Variants in RYK observed in about 807,000 individuals in gnomAD.
RYK encodes receptor like tyrosine kinase.
A neutral mutation model predicts 70.2 loss-of-function variants in RYK; 21 were observed. The observed-to-expected ratio is 0.30, with a 90% confidence interval of 0.21 to 0.43. RYK has a LOEUF of 0.43. Ranked by LOEUF, RYK falls within the 20% of genes least tolerant of loss-of-function variation. The probability of loss-of-function intolerance (pLI) is 1.00; values close to 1 mark genes in which losing one functional copy is unlikely to be tolerated. For synonymous variants in RYK, 267 were observed against 278.0 expected, an observed-to-expected ratio of 0.96 and a Z score of 0.39; for missense variants, 604 against 753.3, an observed-to-expected ratio of 0.80 and a Z score of 2.32.
At chr3:134,201,232 G>A (rs767282354) in intron 6 of RYK, among the ~76,000 whole-genome samples, 2 of 152,096 alleles carry the variant, frequency 1.3e-5, no homozygotes, top group East Asian at 1.9e-4. Flanking sequence ...AATCATATAC[G>A]TACTTCCTTC....
chr3:134,217,160 G>A (rs1178058485), intron 2 of RYK, among the ~76,000 whole-genome samples: 1 of 152,232 alleles, frequency 6.6e-6, no homozygotes. Flanking sequence ...TAATGTTAAA[G>A]TATCTACGAT....
intron 13 of RYK, among the ~76,000 whole-genome samples, chr3:134,169,287 T>C (rs562039653): frequency 1.3e-5 from 2 of 152,322 alleles, no homozygotes; most frequent in South Asian, 4.1e-4. Flanking sequence ...TTACATTTAG[T>C]AATCTCCTAA....
intron 1 of RYK, among the ~76,000 whole-genome samples, chr3:134,234,557 G>A (rs906914388): frequency 1.3e-5 from 2 of 152,112 alleles, no homozygotes; most frequent in Non-Finnish European, 2.9e-5. Flanking sequence ...CCCTGAAGAT[G>A]ACAGGGAATG....
chr3:134,248,204 A>G (rs2015516970), intron 1 of RYK, among the ~76,000 whole-genome samples: 1 of 152,190 alleles, frequency 6.6e-6, no homozygotes, highest in South Asian at 2.1e-4. Flanking sequence ...TATTTGCACT[A>G]GAGAAAATAC....
intron 6 of RYK, among the ~76,000 whole-genome samples, chr3:134,201,794 A>T (rs1674515907): frequency 6.6e-6 from 1 of 152,232 alleles, no homozygotes; most frequent in Non-Finnish European, 1.5e-5. Context: ...AAGAGTATGG[A>T]TGATACGTCT....
At chr3:134,249,620 A>C (rs1341533821) in intron 1 of RYK, among the ~76,000 whole-genome samples, 1 of 152,148 alleles carries the variant, frequency 6.6e-6, no homozygotes, top group East Asian at 1.9e-4. Context: ...TTAATTCCCC[A>C]AACAACAAAG....
At chr3:134,210,918 G>C (rs1396340720) in intron 3 of RYK, among the ~76,000 whole-genome samples, 2 of 152,110 alleles carry the variant, frequency 1.3e-5, no homozygotes, top group African/African-American at 4.8e-5. Context: ...AGAATGAGTA[G>C]GATGAATAGA....
At chr3:134,182,116 C>T (rs1237503505) in intron 10 of RYK, among the ~76,000 whole-genome samples, 1 of 151,086 alleles carries the variant, frequency 6.6e-6, no homozygotes, top group East Asian at 1.9e-4. Context: ...GATCACACCA[C>T]TGCACTCTAG....
At chr3:134,229,390 A>AC in intron 1 of RYK, among the ~76,000 whole-genome samples, 1 of 151,950 alleles carries the variant, frequency 6.6e-6, no homozygotes, top group South Asian at 2.1e-4. Context: ...GAAAAAAAAA[A>AC]AAAAAAAACG....
At chr3:134,209,297 G>C (rs1229227437) in intron 4 of RYK, among the ~76,000 whole-genome samples, 1 of 152,166 alleles carries the variant, frequency 6.6e-6, no homozygotes, top group Non-Finnish European at 1.5e-5. Context: ...GAAAAGAGCA[G>C]AGCTGCCATT....
chr3:134,204,593 A>ACAGC (rs1440128940), intron 5 of RYK, among the ~76,000 whole-genome samples: 12 of 106,832 alleles, frequency 1.1e-4, no homozygotes, highest in East Asian at 4.1e-4. Context: ...AGCCACAGCC[A>ACAGC]CACACACACA....
chr3:134,169,122 G>A (rs958368392), intron 13 of RYK, among the ~76,000 whole-genome samples: 1 of 152,142 alleles, frequency 6.6e-6, no homozygotes, highest in Non-Finnish European at 1.5e-5. Flanking sequence ...ACTTTTAAAA[G>A]GATCTCTTCA....
intron 9 of RYK, among the ~76,000 whole-genome samples, chr3:134,186,336 A>C (rs1443035762): frequency 6.6e-6 from 1 of 152,250 alleles, no homozygotes; most frequent in East Asian, 1.9e-4. Flanking sequence ...CTTATGCCTA[A>C]AGGCAAAGGT....
intron 1 of RYK, among the ~76,000 whole-genome samples, chr3:134,237,282 C>G (rs1360324358): frequency 6.6e-6 from 1 of 152,118 alleles, no homozygotes; most frequent in Non-Finnish European, 1.5e-5. Context: ...CGTGCTAAAT[C>G]AGCAAACCAT....
At chr3:134,179,022 C>A (rs137868892) in intron 10 of RYK, 3 of 152,188 alleles carry the variant, frequency 2.0e-5, no homozygotes, top group East Asian at 3.9e-4. Flanking sequence ...CTTAACTTGG[C>A]AAATCCTGCT....
At chr3:134,173,510 G>C (rs1230470172) in intron 13 of RYK, among the ~76,000 whole-genome samples, 1 of 152,120 alleles carries the variant, frequency 6.6e-6, no homozygotes. Context: ...CATGACGAAG[G>C]AAAAGAAGAA....
At chr3:134,198,901 T>A (rs1576516814) in intron 6 of RYK, among the ~76,000 whole-genome samples, 1 of 152,064 alleles carries the variant, frequency 6.6e-6, no homozygotes, top group Middle Eastern at 3.4e-3. Context: ...ATGGGGGCGG[T>A]GGTGGGGATA....
intron 2 of RYK, among the ~76,000 whole-genome samples, chr3:134,221,342 A>T (rs1221687674): frequency 6.6e-6 from 1 of 150,970 alleles, no homozygotes; most frequent in Non-Finnish European, 1.5e-5. Context: ...GTAGCTGGGA[A>T]TACAGGTGTG....
intron 1 of RYK, among the ~76,000 whole-genome samples, chr3:134,223,157 C>G (rs984255056): frequency 6.6e-6 from 1 of 152,166 alleles, no homozygotes; most frequent in Non-Finnish European, 1.5e-5. Flanking sequence ...CAGGACACAG[C>G]TCTCTGCACA....
Sources: allele counts gnomAD v4.1 joint callset (sites outside exome capture counted in the v4.1 genomes callset), GRCh38; gene constraint gnomAD v4.1.1; transcripts MANE v1.5; gene names NCBI Gene and HGNC (gene_info 2026-07-23, HGNC 2026-07-21).